The following DNAH14 variants were observed in gnomAD, a reference collection of about 807,000 sequenced individuals.
DNAH14 encodes dynein axonemal heavy chain 14.
A neutral mutation model predicts 520.9 loss-of-function variants in DNAH14; 478 were observed. The observed-to-expected ratio is 0.92, with a 90% CI of 0.85 to 0.99. The LOEUF (loss-of-function observed/expected upper bound fraction) is 0.99. Ranked by LOEUF, DNAH14 falls within the 50% of genes least tolerant of loss-of-function variation. DNAH14 has a pLI of 0.00. For missense variants in DNAH14, 4,831 were observed against 5,234.5 expected (o/e 0.92, Z 2.38); for synonymous variants, 1,581 against 1,757.2 (o/e 0.90, Z 2.51).
rs2095158629 is a variant in DNAH14, at chr1:225,340,573, C to G, written c.10550C>G (p.Thr3517Ser). The change falls in exon 69 of 86, where the codon ACT becomes AGT. Residue 3517 changes from threonine to serine, a missense_variant. Thr to Ser is a moderately conservative substitution (Grantham distance 58). Coordinates refer to ENST00000682510, the MANE Select transcript of DNAH14 (RefSeq NM_001367479.1). ...GGTTTGCAAGATCAACTCTTGTCTA[C>G]TGTGGTAACTCATGAAGTTCCTCAT... The part of the protein sequence containing the change: ...FQGLQDQLLS[T>S]VVTHEVPHLE... The G allele has an allele frequency of 6.4e-7, 1 of 1,551,426 alleles. No homozygotes were observed. Among genetic ancestry groups the G allele is most frequent in the Non-Finnish European group, 8.7e-7 (1 of 1,146,874 alleles).
At chr1:225,235,177 G>A (rs1183860110) in intron 42 of DNAH14, among the ~76,000 whole-genome samples, 2 of 152,030 alleles carry the variant, frequency 1.3e-5, no homozygotes, top group African/African-American at 4.8e-5. Flanking sequence ...TATTGGCTGT[G>A]GGTTTGTTAT....
intron 66 of DNAH14, among the ~76,000 whole-genome samples, chr1:225,335,275 T>C (rs1001298267): frequency 1.3e-5 from 1 of 79,204 alleles, no homozygotes. Context: ...CACGTGTACA[T>C]TGTGTGTATA....
At chr1:225,130,364 A>G (rs1000510113) in intron 27 of DNAH14, among the ~76,000 whole-genome samples, 4 of 152,024 alleles carry the variant, frequency 2.6e-5, no homozygotes, top group Admixed American at 6.6e-5. Flanking sequence ...AAAGACACAT[A>G]CACACGTATG....
chr1:225,065,020 T>C (rs1572821145), intron 17 of DNAH14, among the ~76,000 whole-genome samples: 1 of 152,000 alleles, frequency 6.6e-6, no homozygotes, highest in Admixed American at 6.6e-5. Flanking sequence ...CAAAGGTAAA[T>C]TGGGGATAAT....
Position 225,290,645 on chromosome 1 carries a change from G to GTATATA in DNAH14, c.8469+564_8469+565insATATAT, listed in dbSNP as rs2093855074. ...TGTATAGATATATGTGTGTGTGTGTGTGTATATATATATATATATATATAT... is the reference window on the plus strand; with the variant it reads ...TGTATAGATATATGTGTGTGTGTGTGTATATATGTATATATATATATATATATATAT... On this transcript the variant is annotated intron_variant, in intron 55 of 85. Transcript: ENST00000682510. Among the ~76,000 whole-genome samples the GTATATA allele has an allele frequency of 4.7e-4, 19 of 40,580 alleles. 1 individual carries two copies. The highest frequency in any genetic ancestry group is 2.0e-3 in the African/African-American group (16 of 7,926). The allele number at this position is 40,580 out of a possible 152,430, so 26.6% of individuals were successfully genotyped here.
Position 225,271,996 on chromosome 1 carries a change from T to C in DNAH14, c.7762T>C (p.Tyr2588His). 1.3e-6 allele frequency: 2 copies of C among 1,550,774 alleles called. No homozygotes were observed. Among genetic ancestry groups the C allele is most frequent in the East Asian group, 2.5e-5 (1 of 40,780 alleles). The part of the protein sequence containing the change: ...DQIISCSLAI[Y>H]HQVRQNMLPT... ...GATAATATCTTGTTCCCTAGCTATA[T>C]ACCATCAAGTACGTCAGAATATGTT... is the stretch of plus-strand genomic sequence containing the variant. The change falls in exon 51 of 86, where the codon TAC (tyrosine) becomes CAC (histidine). Residue 2588 changes from tyrosine (Y) to histidine (H), a missense_variant. Tyr to His is a moderately conservative substitution (Grantham distance 83). Transcript: ENST00000682510.
chr1:225,021,069 G>A (rs932077369), intron 10 of DNAH14, among the ~76,000 whole-genome samples: 4 of 152,178 alleles, frequency 2.6e-5, no homozygotes, highest in Non-Finnish European at 4.4e-5. Flanking sequence ...CTCAACAGAT[G>A]CAGGAAATGC....
chr1:225,134,202 T>C (rs2078745672), intron 27 of DNAH14, among the ~76,000 whole-genome samples: 1 of 152,160 alleles, frequency 6.6e-6, no homozygotes, highest in East Asian at 1.9e-4. Context: ...TTCTTCCTAT[T>C]TGAATACCCT....
chr1:225,045,782 G>A (rs1226610094), intron 15 of DNAH14, among the ~76,000 whole-genome samples: 1 of 152,030 alleles, frequency 6.6e-6, no homozygotes, highest in Non-Finnish European at 1.5e-5. Context: ...AGTCATGTCT[G>A]CCAGGTTTCT....
chr1:225,367,541 G>A (rs1464524161), intron 76 of DNAH14, among the ~76,000 whole-genome samples: 1 of 152,148 alleles, frequency 6.6e-6, no homozygotes, highest in South Asian at 2.1e-4. Flanking sequence ...CCTATGCTCT[G>A]AGCAAATAAG....
chr1:225,152,612 A>G, intron 32 of DNAH14, 85 bp from the exon 33 acceptor site: 2 of 1,255,666 alleles, frequency 1.6e-6, no homozygotes, highest in East Asian at 5.1e-5. Context: ...CACCAATATA[A>G]TTATTTTGGG....
chr1:225,060,102 A>G (rs1340038567), intron 17 of DNAH14, among the ~76,000 whole-genome samples: 2 of 152,170 alleles, frequency 1.3e-5, no homozygotes, highest in African/African-American at 2.4e-5. Context: ...GTTCTCCTGG[A>G]TAATATCCTG....
chr1:225,179,456 T>G (rs1239584378), intron 36 of DNAH14, among the ~76,000 whole-genome samples: 1 of 152,172 alleles, frequency 6.6e-6, no homozygotes, highest in African/African-American at 2.4e-5. Flanking sequence ...CAACATAACT[T>G]TAATCACAAC....
chr1:225,376,295 A>G (rs140732414), intron 78 of DNAH14, among the ~76,000 whole-genome samples: 167 of 152,008 alleles, frequency 1.1e-3, no homozygotes, highest in African/African-American at 3.8e-3. Context: ...GCCATGGTGG[A>G]TCATGCCTGT....
chr1:225,194,216 A>G (rs11582482), intron 38 of DNAH14, among the ~76,000 whole-genome samples: 19,428 of 151,902 alleles, frequency 0.13, 1,398 homozygotes, highest in East Asian at 0.31. Flanking sequence ...TTAGGAAACA[A>G]AAAAGAGCCT....
chr1:224,964,675 A>G, intron 5 of DNAH14, 66 bp downstream of exon 5: 2 of 1,289,294 alleles, frequency 1.6e-6, no homozygotes, highest in African/African-American at 3.0e-5. Flanking sequence ...TTTAATTTTT[A>G]TTTCATTTCA....
rs115936834 is a variant in DNAH14, at chr1:225,137,306, G to T, written c.4255-3462G>T. On this transcript the variant is annotated intron_variant, in intron 27 of 85. Coordinates refer to ENST00000682510, the MANE Select transcript of DNAH14 (RefSeq NM_001367479.1). ...GATCTTTGAGGTTGCTGACCTTTGA[G>T]TGGGGTTTTTGTGGGGTCTTTTTTT... 7.0e-3 allele frequency among the ~76,000 whole-genome samples: 1,058 copies of T among 152,176 alleles called. 5 individuals are homozygous for T. Among genetic ancestry groups the T allele is most frequent in the Middle Eastern group, 0.014 (4 of 294 alleles).
chr1:225,087,884 G>C (rs1412618035), intron 21 of DNAH14, among the ~76,000 whole-genome samples: 5 of 152,294 alleles, frequency 3.3e-5, no homozygotes, highest in Admixed American at 2.0e-4. Context: ...AACAATGCCT[G>C]GTGCTCACAC....
In DNAH14 at chr1:225,240,452, ACT is replaced by A. The variant is rs2091903514; in HGVS notation, c.6519-138_6519-137del. ...TTATCAAAGGAAAAAATTTACATAA[ACT>A]CTGAAACTTTTATGTTAGTACCTAA... On this transcript the variant is annotated intron_variant, in intron 42 of 85. Transcript: ENST00000682510. The A allele has an allele frequency of 1.7e-5, 9 of 515,062 alleles. No individual in the cohort carries two copies. In the Admixed American group the frequency reaches 2.9e-4, roughly 17 times the overall value. The allele number at this position is 515,062 out of a possible 1,614,324, so 31.9% of individuals were successfully genotyped here.
Sources: gnomAD v4.1 joint callset for allele counts (sites outside exome capture counted in the v4.1 genomes callset) on GRCh38, gnomAD v4.1.1 for gene constraint, MANE v1.5 for transcripts, NCBI Gene and HGNC (gene_info 2026-07-23, HGNC 2026-07-21) for gene names.